The following BRIP1 variants were observed in gnomAD, a reference collection of about 807,000 sequenced individuals.
The protein encoded by BRIP1 is BRCA1 interacting DNA helicase 1.
BRIP1 carries 88 observed loss-of-function variants against 119.7 expected under a neutral mutation model. The observed-to-expected ratio is 0.74, with a 90% CI of 0.62 to 0.88. The LOEUF (loss-of-function observed/expected upper bound fraction) is 0.88, where lower values mean the gene tolerates loss of function less well. Among genes scored for constraint, BRIP1 ranks in the 40% least tolerant of loss-of-function variants. The pLI, the probability that BRIP1 is intolerant of heterozygous loss-of-function variation, is 0.00. For synonymous variants in BRIP1, 443 were observed against 496.5 expected, an observed-to-expected ratio of 0.89 and a Z score of 1.43; for missense variants, 1,259 against 1,455.4, an observed-to-expected ratio of 0.87 and a Z score of 2.20.
Position 61,842,541 on chromosome 17 carries a change from T to A in BRIP1, c.627+4560A>T, listed in dbSNP as rs1178111596. Among the ~76,000 whole-genome samples the A allele has an allele frequency of 6.6e-6, 1 of 152,154 alleles. No individual in the cohort carries two copies. Among genetic ancestry groups the A allele is most frequent in the Non-Finnish European group, 1.5e-5 (1 of 68,024 alleles). On this transcript the variant is annotated intron_variant, in intron 6 of 19. Coordinates refer to ENST00000259008, the MANE Select transcript of BRIP1 (RefSeq NM_032043.3). This position sits in a 1 kb window ranked among gnomAD's most constrained non-coding sequence, Gnocchi z 5.1. ...TACACATCATATACATGTATGAAAA[T>A]TATCACACTGAATCCCATAAGTATG...
chr17:61,859,049 CAA>C (rs34782273), intron 3 of BRIP1, among the ~76,000 whole-genome samples: 24 of 45,094 alleles, frequency 5.3e-4, no homozygotes, highest in Non-Finnish European at 8.9e-4. Flanking sequence ...TGACGCCACT[CAA>C]AAAAAAAAAA....
At position 61,760,831 on chromosome 17, in the gene BRIP1, A is replaced by G. The variant is rs901145905; in HGVS notation, c.2097+15570T>C. Among the ~76,000 whole-genome samples, 1 of 152,064 alleles carries G rather than the reference A, an allele frequency of 6.6e-6. No homozygotes were observed. Among genetic ancestry groups the G allele is most frequent in the Non-Finnish European group, 1.5e-5 (1 of 67,918 alleles). ...GCTGAATTCTACCTAACAGTTAAAGAACTAATACCAATCATTCTCAAATGC... is the reference window on the plus strand; with the variant it reads ...GCTGAATTCTACCTAACAGTTAAAGGACTAATACCAATCATTCTCAAATGC... On this transcript the variant is annotated intron_variant, in intron 14 of 19. Coordinates refer to ENST00000259008, the MANE Select transcript of BRIP1 (RefSeq NM_032043.3). This position sits in a 1 kb window ranked among gnomAD's most constrained non-coding sequence, Gnocchi z 4.6.
chr17:61,765,738 T>A (rs2144907830), intron 14 of BRIP1, among the ~76,000 whole-genome samples: 1 of 151,120 alleles, frequency 6.6e-6, no homozygotes, highest in South Asian at 2.1e-4. Context: ...CCCAGCCTAA[T>A]CAATATATTT....
At chr17:61,791,106 A>C in intron 10 of BRIP1, among the ~76,000 whole-genome samples, 1 of 152,132 alleles carries the variant, frequency 6.6e-6, no homozygotes. Flanking sequence ...ACATGCCCCG[A>C]ATACTATTGT....
At position 61,822,287 on chromosome 17, in the gene BRIP1, C is replaced by T. The variant is rs2078337607; in HGVS notation, c.628-13530G>A. On this transcript the variant is annotated intron_variant, in intron 6 of 19. Coordinates refer to ENST00000259008, the MANE Select transcript of BRIP1 (RefSeq NM_032043.3). This position sits in a 1 kb window ranked among gnomAD's most constrained non-coding sequence, Gnocchi z 4.4. Reference sequence around the variant, plus strand: ...CTAGAATTTTTATAAGCAAATATCACTTTTATAAAAACAATTACATTTTTT... The same window carrying T: ...CTAGAATTTTTATAAGCAAATATCATTTTTATAAAAACAATTACATTTTTT... Among the ~76,000 whole-genome samples the T allele has an allele frequency of 6.6e-6, 1 of 152,096 alleles. No homozygotes were observed. Among genetic ancestry groups the T allele is most frequent in the African/African-American group, 2.4e-5 (1 of 41,410 alleles).
intron 19 of BRIP1, chr17:61,685,595 C>A: frequency 1.9e-6 from 1 of 539,352 alleles, no homozygotes; most frequent in South Asian, 2.7e-5. Flanking sequence ...ATGACTTGCT[C>A]ATGATCACAA....
In BRIP1 at chr17:61,683,803, G is replaced by A. The variant is rs754003636; in HGVS notation, c.3243C>T (p.Ala1081=). 22 of 1,614,030 alleles carry A rather than the reference G, an allele frequency of 1.4e-5. No homozygotes were observed. Among genetic ancestry groups the A allele is most frequent in the Non-Finnish European group, 1.8e-5 (21 of 1,180,016 alleles). The change falls in exon 20 of 20, where the codon GCC becomes GCT. Residue 1081 remains alanine (A), a synonymous_variant. Transcript: ENST00000259008. This position sits in a 1 kb window ranked among gnomAD's most constrained non-coding sequence, Gnocchi z 4.7. ...CAGAATGATTTTTTCTAGTAAGGGT[G>A]GCATCAATCTTTAATGATGAAATAA... ...ETIISSLKID[A]TLTRKNHSEH...
chr17:61,783,944 G>T (rs772007486), intron 11 of BRIP1: 1 of 200,010 alleles, frequency 5.0e-6, no homozygotes, highest in South Asian at 1.0e-4. Context: ...TTAGCTGGGT[G>T]TGGGTGTTGC....
intron 16 of BRIP1, among the ~76,000 whole-genome samples, chr17:61,728,491 G>T (rs1603298479): frequency 6.6e-6 from 1 of 152,258 alleles, no homozygotes; most frequent in East Asian, 1.9e-4. Context: ...AATGTTAAAT[G>T]ACTAAGCAGA....
At chr17:61,813,663 C>A (rs2078196850) in intron 6 of BRIP1, among the ~76,000 whole-genome samples, 1 of 151,896 alleles carries the variant, frequency 6.6e-6, no homozygotes. Context: ...AACATATATC[C>A]CAATATTTTC....
chr17:61,833,880 G>C lies in BRIP1; in HGVS notation c.627+13221C>G, dbSNP rs548259681. On this transcript the variant is annotated intron_variant, in intron 6 of 19. Transcript: ENST00000259008. Reference sequence around the variant, plus strand: ...TCTCTAAAAGGCCAGAGATTTTCCTGCTGGCTGAACATGAAAAGAAAGAAA... The same window carrying C: ...TCTCTAAAAGGCCAGAGATTTTCCTCCTGGCTGAACATGAAAAGAAAGAAA... Among the ~76,000 whole-genome samples the C allele has an allele frequency of 3.3e-5, 5 of 152,190 alleles. No homozygotes were observed. In the South Asian group the frequency reaches 1.0e-3, roughly 32 times the overall value.
chr17:61,789,511 A>T lies in BRIP1; in HGVS notation c.1473+4086T>A, dbSNP rs1000413131. Among the ~76,000 whole-genome samples the T allele has an allele frequency of 1.3e-5, 2 of 152,144 alleles. No individual in the cohort carries two copies. The highest frequency in any genetic ancestry group is 1.3e-4 in the Admixed American group (2 of 15,264). On this transcript the variant is annotated intron_variant, in intron 10 of 19. Coordinates refer to ENST00000259008, the MANE Select transcript of BRIP1 (RefSeq NM_032043.3). This position sits in a 1 kb window ranked among gnomAD's most constrained non-coding sequence, Gnocchi z 4.8. Reference sequence around the variant, plus strand: ...CTTTATAAACAATAAATACCTTAAAATTTTTAGGAGAAATATAACATAGGA... The same window carrying T: ...CTTTATAAACAATAAATACCTTAAATTTTTTAGGAGAAATATAACATAGGA...
intron 14 of BRIP1, among the ~76,000 whole-genome samples, chr17:61,765,354 ATGTGTGTGTG>A (rs146643187): frequency 1.9e-4 from 8 of 41,526 alleles, no homozygotes; most frequent in Non-Finnish European, 3.1e-4. Context: ...ATACATATGT[ATGTGTGTGTG>A]TGTGTGTGTA....
Position 61,848,782 on chromosome 17 carries a change from T to A in BRIP1, c.507+347A>T, listed in dbSNP as rs981152650. 1.3e-5 allele frequency among the ~76,000 whole-genome samples: 2 copies of A among 152,168 alleles called. No homozygotes were observed. The highest frequency in any genetic ancestry group is 2.9e-5 in the Non-Finnish European group (2 of 68,026). ...AACATGAATAATCATATCAAAGGTA[T>A]TTTAGCCAAAAGGAAATGCTATTTT... On this transcript the variant is annotated intron_variant, in intron 5 of 19. Coordinates refer to ENST00000259008, the MANE Select transcript of BRIP1 (RefSeq NM_032043.3). The surrounding 1 kb of genome is among the most constrained non-coding windows in gnomAD (Gnocchi z 4.3).
At chr17:61,694,741 A>C (rs547440785) in intron 17 of BRIP1, among the ~76,000 whole-genome samples, 1 of 152,072 alleles carries the variant, frequency 6.6e-6, no homozygotes, top group Non-Finnish European at 1.5e-5. Context: ...ATAATATTTC[A>C]TTATGGCTTT....
In BRIP1 at chr17:61,740,688, C is replaced by T. The variant is rs897243126; in HGVS notation, c.2379+2325G>A. Among the ~76,000 whole-genome samples the T allele has an allele frequency of 3.9e-5, 6 of 152,184 alleles. No homozygotes were observed. The highest frequency in any genetic ancestry group is 1.3e-4 in the Admixed American group (2 of 15,284). On this transcript the variant is annotated intron_variant, in intron 16 of 19. Coordinates refer to ENST00000259008, the MANE Select transcript of BRIP1 (RefSeq NM_032043.3). The surrounding 1 kb of genome is among the most constrained non-coding windows in gnomAD (Gnocchi z 5.4). Reference sequence around the variant, plus strand: ...CCAACACATATAAAAGCTATGTTTACACTATACTGCAGTCTATTAAGTGGG... The same window carrying T: ...CCAACACATATAAAAGCTATGTTTATACTATACTGCAGTCTATTAAGTGGG...
intron 6 of BRIP1, among the ~76,000 whole-genome samples, chr17:61,838,442 A>G (rs2078606923): frequency 6.6e-6 from 1 of 151,818 alleles, no homozygotes; most frequent in Admixed American, 6.6e-5. Flanking sequence ...GCTACTTGGG[A>G]GGCTGAGGCA....
Position 61,758,004 on chromosome 17 carries a change from A to G in BRIP1, c.2098-13413T>C, listed in dbSNP as rs964296391. On this transcript the variant is annotated intron_variant, in intron 14 of 19. Transcript: ENST00000259008. This position sits in a 1 kb window ranked among gnomAD's most constrained non-coding sequence, Gnocchi z 5.3. ...ATGAGACACTGTCTTGAAAAAAAAA[A>G]AGAGAAAAAAGAAAAGAAAACAATA... 4.6e-5 allele frequency among the ~76,000 whole-genome samples: 7 copies of G among 152,130 alleles called. No homozygotes were observed. Among genetic ancestry groups the G allele is most frequent in the African/African-American group, 1.7e-4 (7 of 41,430 alleles).
chr17:61,687,917 G>A lies in BRIP1; in HGVS notation c.2576-1752C>T, dbSNP rs1434010176. On this transcript the variant is annotated intron_variant, in intron 18 of 19. Transcript: ENST00000259008. This position sits in a 1 kb window ranked among gnomAD's most constrained non-coding sequence, Gnocchi z 5.1. ...TGGCTTCTATCTTACCTGTACTGAA[G>A]AGCTGACATGAGCTGGCATACCCTA... is the stretch of plus-strand genomic sequence containing the variant. 9.2e-5 allele frequency among the ~76,000 whole-genome samples: 14 copies of A among 152,250 alleles called. No individual in the cohort carries two copies. The highest frequency in any genetic ancestry group is 7.2e-4 in the Admixed American group (11 of 15,282).
Sources: gnomAD v4.1 joint callset for allele counts (sites outside exome capture counted in the v4.1 genomes callset) on GRCh38, gnomAD v4.1.1 for gene constraint, Gnocchi (gnomAD v3.1) non-coding constraint, MANE v1.5 for transcripts, NCBI Gene and HGNC (gene_info 2026-07-23, HGNC 2026-07-21) for gene names.